Variants in TENM1 observed in about 807,000 individuals in gnomAD.
The protein encoded by TENM1 is teneurin transmembrane protein 1, also known as teneurin-1.
Under a neutral mutation model 174.8 loss-of-function variants are expected in TENM1, and 35 were observed. The observed-to-expected ratio is 0.20, with a 90% CI of 0.15 to 0.27. The LOEUF is 0.27. TENM1 is among the 10% of genes least tolerant of loss of function. The pLI, the probability that TENM1 is intolerant of heterozygous loss-of-function variation, is 1.00. For synonymous variants in TENM1, 781 were observed against 798.7 expected, an observed-to-expected ratio of 0.98 and a Z score of 0.37; for missense variants, 1,633 against 2,130.1, an observed-to-expected ratio of 0.77 and a Z score of 4.59.
At chrX:125,005,189 TACACACACACACACAC>T in the TENM1 span, among the ~76,000 whole-genome samples, 498 of 88,777 alleles carry the variant, frequency 5.6e-3, 6 homozygotes, top group African/African-American at 0.019. Flanking sequence ...GATGTATACA[TACACACACACACACAC>T]ACACACACAC....
At chrX:124,805,205 C>T (rs1462075307) in intron 3 of TENM1, among the ~76,000 whole-genome samples, 1 of 111,798 alleles carries the variant, frequency 8.9e-6, no homozygotes, top group East Asian at 2.8e-4. Context: ...ACATGCTAGC[C>T]TTGAAGGATG....
At chrX:124,555,706 G>A (rs188936120) in intron 14 of TENM1, among the ~76,000 whole-genome samples, 7 of 111,968 alleles carry the variant, frequency 6.3e-5, no homozygotes, top group Admixed American at 1.9e-4. Context: ...TGGGGACAAT[G>A]CCCCAAAGAA....
chrX:124,551,425 T>C (rs1210210660), intron 14 of TENM1, among the ~76,000 whole-genome samples: 2 of 110,654 alleles, frequency 1.8e-5, no homozygotes, highest in Non-Finnish European at 3.8e-5. Context: ...GATGAGCAAG[T>C]TCTCGTACAA....
At chrX:124,839,675 T>G (rs2056459469) in intron 3 of TENM1, among the ~76,000 whole-genome samples, 1 of 111,868 alleles carries the variant, frequency 8.9e-6, no homozygotes, top group Admixed American at 9.5e-5. Flanking sequence ...AGTTACTATA[T>G]TAAGATGAGG....
At chrX:124,447,660 C>T (rs928850501) in intron 23 of TENM1, among the ~76,000 whole-genome samples, 8 of 111,588 alleles carry the variant, frequency 7.2e-5, no homozygotes, top group Non-Finnish European at 1.5e-4. Flanking sequence ...CTGACCATTC[C>T]CTTCCTCTTG....
At chrX:124,468,803 C>A (rs1411035227) in intron 22 of TENM1, among the ~76,000 whole-genome samples, 1 of 111,781 alleles carries the variant, frequency 8.9e-6, no homozygotes, top group African/African-American at 3.3e-5. Flanking sequence ...ACAATAAAAA[C>A]ACGTAAATTA....
chrX:124,610,624 A>C (rs1422356121), intron 11 of TENM1, among the ~76,000 whole-genome samples: 3 of 110,668 alleles, frequency 2.7e-5, no homozygotes, highest in African/African-American at 9.8e-5. Flanking sequence ...AAAATGAATC[A>C]GTGAGATTTA....
the TENM1 span, among the ~76,000 whole-genome samples, chrX:125,055,794 C>T: frequency 5.4e-5 from 6 of 111,094 alleles, no homozygotes; most frequent in Admixed American, 3.8e-4. Flanking sequence ...AGTGAATCGA[C>T]GTTGTGTTGC....
At chrX:125,014,062 A>C in the TENM1 span, among the ~76,000 whole-genome samples, 1 of 111,630 alleles carries the variant, frequency 9.0e-6, no homozygotes, top group African/African-American at 3.3e-5. Flanking sequence ...TTCATATATC[A>C]ATAGACTCCT....
intron 3 of TENM1, among the ~76,000 whole-genome samples, chrX:124,757,300 G>C (rs1442167215): frequency 2.7e-5 from 3 of 112,688 alleles, no homozygotes; most frequent in Non-Finnish European, 5.6e-5. Context: ...TCCAAGCCAG[G>C]TGCGGGATAT....
chrX:124,946,259 C>T (rs1473809061), intron 1 of TENM1, among the ~76,000 whole-genome samples: 2 of 111,313 alleles, frequency 1.8e-5, no homozygotes, highest in East Asian at 2.8e-4. Context: ...CAGAGGTGTC[C>T]GATACAGATA....
chrX:124,932,310 T>G (rs1038180637), intron 1 of TENM1, among the ~76,000 whole-genome samples: 1 of 112,359 alleles, frequency 8.9e-6, no homozygotes, highest in Admixed American at 9.4e-5. Context: ...GAATTTTAAA[T>G]GTAATTCATG....
intron 11 of TENM1, among the ~76,000 whole-genome samples, chrX:124,616,992 T>C (rs2050413245): frequency 1.8e-5 from 2 of 112,091 alleles, no homozygotes; most frequent in African/African-American, 6.5e-5. Flanking sequence ...CAAGGGTAAG[T>C]GATCTTTAGA....
chrX:124,433,019 T>G (rs1231704632), intron 23 of TENM1, among the ~76,000 whole-genome samples: 2 of 111,442 alleles, frequency 1.8e-5, no homozygotes. Context: ...TGTGTTAGAG[T>G]GGCAAGGCAA....
At chrX:125,189,800 A>G in the TENM1 span, among the ~76,000 whole-genome samples, 3 of 112,487 alleles carry the variant, frequency 2.7e-5, no homozygotes, top group African/African-American at 9.7e-5. Flanking sequence ...GTGAATATGC[A>G]TACATGTGTA....
intron 5 of TENM1, among the ~76,000 whole-genome samples, chrX:124,695,535 C>A (rs1346698779): frequency 9.0e-6 from 1 of 111,085 alleles, no homozygotes; most frequent in Non-Finnish European, 1.9e-5. Context: ...TGACCTCAGC[C>A]TCATTAGCGA....
intron 4 of TENM1, among the ~76,000 whole-genome samples, chrX:124,734,759 CCTT>C (rs2053634893): frequency 1.8e-5 from 2 of 111,751 alleles, no homozygotes. Flanking sequence ...GTTGACTAGT[CCTT>C]CTCTTTCCAT....
chrX:124,581,445 A>T (rs961468384), intron 11 of TENM1, among the ~76,000 whole-genome samples: 1 of 76 alleles, frequency 0.013, no homozygotes, highest in Non-Finnish European at 0.033. Context: ...CTCCATTGAT[A>T]GGCATCTAAG....
chrX:124,769,430 T>C (rs1012813326), intron 3 of TENM1, among the ~76,000 whole-genome samples: 1 of 111,981 alleles, frequency 8.9e-6, no homozygotes, highest in Non-Finnish European at 1.9e-5. Context: ...CAGTTTACAG[T>C]AATGACTGTT....
Sources: allele counts gnomAD v4.1 joint callset (sites outside exome capture counted in the v4.1 genomes callset), GRCh38; gene constraint gnomAD v4.1.1; transcripts MANE v1.5; gene names NCBI Gene and HGNC (gene_info 2026-07-23, HGNC 2026-07-21).